The following SHANK2 variants were observed in gnomAD, a reference collection of about 807,000 sequenced individuals.
The protein encoded by SHANK2 is SH3 and multiple ankyrin repeat domains protein 2.
Under a neutral mutation model 133.7 loss-of-function variants are expected in SHANK2, and 43 were observed. The ratio of observed to expected loss-of-function variants is 0.32; its 90% CI spans 0.25 to 0.41. The LOEUF is 0.41. Ranked by LOEUF, SHANK2 falls within the 10% of genes least tolerant of loss-of-function variation. The pLI, the probability that SHANK2 is intolerant of heterozygous loss-of-function variation, is 1.00. For missense variants in SHANK2, 1,994 were observed against 2,235.8 expected, an observed-to-expected ratio of 0.89 and a Z score of 2.18; for synonymous variants, 1,017 against 952.8, an observed-to-expected ratio of 1.07 and a Z score of -1.24.
chr11:71,086,056 A>AATATATTATATAATATATTATGTT (rs1951401054), intron 8 of SHANK2, among the ~76,000 whole-genome samples: 1 of 82,806 alleles, frequency 1.2e-5, no homozygotes, highest in East Asian at 3.7e-4. Flanking sequence ...TATGTTATAT[A>AATATATTATATAATATATTATGTT]ATATATTATA....
At chr11:70,793,780 A>G (rs1382644029) in intron 14 of SHANK2, among the ~76,000 whole-genome samples, 1 of 152,242 alleles carries the variant, frequency 6.6e-6, no homozygotes, top group African/African-American at 2.4e-5. Flanking sequence ...GTAGTTTCTT[A>G]TAAAATGAAA....
chr11:70,723,418 G>A (rs1946110675), intron 14 of SHANK2, among the ~76,000 whole-genome samples: 1 of 151,858 alleles, frequency 6.6e-6, no homozygotes, highest in Non-Finnish European at 1.5e-5. Flanking sequence ...GCAGTCTCCA[G>A]CCCCCAGCCA....
At chr11:70,797,832 TACACACACACACACAC>T (rs368707688) in intron 14 of SHANK2, among the ~76,000 whole-genome samples, 1 of 141,944 alleles carries the variant, frequency 7.0e-6, no homozygotes, top group Non-Finnish European at 1.5e-5. Flanking sequence ...TCCACTCTCA[TACACACACACACACAC>T]ACACACACAC....
chr11:70,683,520 T>C lies in SHANK2; in HGVS notation c.1853+15168A>G, dbSNP rs141234799. On this transcript the variant is annotated intron_variant, in intron 15 of 25. Coordinates refer to ENST00000601538, the MANE Select transcript of SHANK2 (RefSeq NM_012309.5). ...AGTTTCCTGTGGACACTGTAACAAA[T>C]TGCCACAAACCGGGTGGTTTAAACA... Among the ~76,000 whole-genome samples the C allele has an allele frequency of 2.7e-3, 408 of 152,308 alleles. 1 individual carries two copies. Among genetic ancestry groups the C allele is most frequent in the Non-Finnish European group, 4.4e-3 (297 of 68,036 alleles).
Position 70,471,140 on chromosome 11 carries a change from C to G in SHANK2, c.*1729G>C, listed in dbSNP as rs2058593311. ...CCTAGTAGACCAGCCACTTTTTTTTCTTAAAATATTGTGCTTATAAACTAT... is the reference window on the plus strand; with the variant it reads ...CCTAGTAGACCAGCCACTTTTTTTTGTTAAAATATTGTGCTTATAAACTAT... On this transcript the variant is annotated 3_prime_UTR_variant, in exon 26 of 26. Coordinates refer to ENST00000601538, the MANE Select transcript of SHANK2 (RefSeq NM_012309.5). This position sits in a 1 kb window ranked among gnomAD's most constrained non-coding sequence, Gnocchi z 4.1. 1.0e-5 allele frequency: 4 copies of G among 396,680 alleles called. No individual in the cohort carries two copies. The East Asian group carries it at 1.4e-4, about 14-fold the overall frequency. 24.6% of individuals were successfully genotyped at this position (396,680 alleles called of 1,614,324 possible). A position where few individuals can be genotyped will look rare whatever the true frequency, so the allele number is the denominator to read the frequency against.
intron 17 of SHANK2, among the ~76,000 whole-genome samples, chr11:70,525,754 G>A (rs1021095561): frequency 2.0e-5 from 3 of 151,942 alleles, no homozygotes; most frequent in African/African-American, 7.3e-5. Flanking sequence ...CACTCAGAAG[G>A]GGATCTCTGC....
chr11:70,760,498 G>A (rs1177726138), intron 14 of SHANK2, among the ~76,000 whole-genome samples: 1 of 152,178 alleles, frequency 6.6e-6, no homozygotes, highest in Admixed American at 6.5e-5. Flanking sequence ...CTCATCTCAA[G>A]ATCCTTAACT....
At chr11:70,888,987 C>G (rs1421986549) in intron 11 of SHANK2, among the ~76,000 whole-genome samples, 1 of 152,172 alleles carries the variant, frequency 6.6e-6, no homozygotes, top group Non-Finnish European at 1.5e-5. Context: ...GAAGAGGTAA[C>G]AGCCTGAGAA....
intron 11 of SHANK2, among the ~76,000 whole-genome samples, chr11:70,877,188 C>T (rs901833671): frequency 4.6e-5 from 7 of 152,172 alleles, no homozygotes; most frequent in African/African-American, 7.2e-5. Flanking sequence ...CTTTTTGGAA[C>T]GCATCAACAT....
intron 11 of SHANK2, among the ~76,000 whole-genome samples, chr11:70,876,369 G>T (rs1314079421): frequency 1.3e-5 from 2 of 150,754 alleles, no homozygotes; most frequent in African/African-American, 4.9e-5. Flanking sequence ...GACCATCCTG[G>T]CTAACACGGT....
At chr11:70,502,737 C>CGGCG in intron 18 of SHANK2, 59 bp downstream of exon 18, 1 of 535,792 alleles carries the variant, frequency 1.9e-6, no homozygotes, top group South Asian at 1.7e-5. Context: ...TCCTGCCCGC[C>CGGCG]CCCACCCCCC....
chr11:70,900,459 C>T (rs1555076541), intron 10 of SHANK2, among the ~76,000 whole-genome samples: 1 of 152,154 alleles, frequency 6.6e-6, no homozygotes. Flanking sequence ...CCCAGCGCCC[C>T]ACAAAAATGC....
intron 17 of SHANK2, among the ~76,000 whole-genome samples, chr11:70,658,203 C>T (rs1182327315): frequency 7.9e-6 from 1 of 126,956 alleles, no homozygotes; most frequent in Admixed American, 8.1e-5. Flanking sequence ...AGGCCACGCC[C>T]CCCCAACACA....
chr11:70,565,263 G>C (rs782329630), intron 17 of SHANK2, among the ~76,000 whole-genome samples: 11 of 148,604 alleles, frequency 7.4e-5, no homozygotes, highest in Non-Finnish European at 1.5e-4. Context: ...ATTTATTTTT[G>C]AGATGAAGTC....
chr11:71,118,281 C>T (rs574787668), intron 4 of SHANK2, among the ~76,000 whole-genome samples: 1 of 152,236 alleles, frequency 6.6e-6, no homozygotes, highest in South Asian at 2.1e-4. Context: ...ATGGCAAAAT[C>T]AGAAGCAACC....
chr11:70,685,866 G>C (rs1288807091), intron 15 of SHANK2, among the ~76,000 whole-genome samples: 3 of 152,048 alleles, frequency 2.0e-5, no homozygotes, highest in Non-Finnish European at 4.4e-5. Flanking sequence ...ACTGCCTATA[G>C]AGAGGTCTGA....
rs186309171 is a variant in SHANK2 at position 70,532,199 on chromosome 11, A to C, written c.2062-29268T>G. Among the ~76,000 whole-genome samples, 160 of 152,302 alleles carry C rather than the reference A, an allele frequency of 1.1e-3. 2 individuals are homozygous for C. The highest frequency in any genetic ancestry group is 5.9e-3 in the Admixed American group (90 of 15,294). ...CCTGTGGCAGCAGCTGTTCTCAGGA[A>C]CATGTCAGTTCCATAAGGCAGGTGC... On this transcript the variant is annotated intron_variant, in intron 17 of 25. Coordinates refer to ENST00000601538, the MANE Select transcript of SHANK2 (RefSeq NM_012309.5).
intron 11 of SHANK2, among the ~76,000 whole-genome samples, chr11:70,842,504 C>T (rs1455102568): frequency 1.3e-5 from 2 of 152,166 alleles, no homozygotes; most frequent in Non-Finnish European, 2.9e-5. Flanking sequence ...TGTTCTAGGG[C>T]CCTCTCTGCA....
chr11:70,726,030 C>T (rs1381510910), intron 14 of SHANK2, among the ~76,000 whole-genome samples: 1 of 152,220 alleles, frequency 6.6e-6, no homozygotes, highest in Non-Finnish European at 1.5e-5. Flanking sequence ...GAGCTCAACT[C>T]GGAGCACCAG....
Sources: allele counts gnomAD v4.1 joint callset (sites outside exome capture counted in the v4.1 genomes callset), GRCh38; gene constraint gnomAD v4.1.1; non-coding constraint Gnocchi (gnomAD v3.1); transcripts MANE v1.5; gene names NCBI Gene and HGNC (gene_info 2026-07-23, HGNC 2026-07-21).